Variants in SEMA3E observed in about 807,000 individuals in gnomAD.
The protein encoded by SEMA3E is semaphorin 3E, also known as semaphorin-3E.
SEMA3E carries 49 observed loss-of-function variants against 93.6 expected under a neutral mutation model. That is an observed-to-expected ratio of 0.52 (90% CI 0.42 to 0.66). The LOEUF (loss-of-function observed/expected upper bound fraction) is 0.66, where lower values mean the gene tolerates loss of function less well. Among genes scored for constraint, SEMA3E ranks in the 30% least tolerant of loss-of-function variants. The pLI is 0.00. For synonymous variants in SEMA3E, 363 were observed against 330.7 expected, an observed-to-expected ratio of 1.10 and a Z score of -1.06; for missense variants, 906 against 964.8, an observed-to-expected ratio of 0.94 and a Z score of 0.81.
At chr7:83,602,045 T>A (rs2115985297) in intron 1 of SEMA3E, among the ~76,000 whole-genome samples, 1 of 152,326 alleles carries the variant, frequency 6.6e-6, no homozygotes, top group Non-Finnish European at 1.5e-5. Flanking sequence ...CTCTCATTAC[T>A]ACTAGTACTA....
Position 83,420,982 on chromosome 7 carries a change from T to C in SEMA3E, c.457-2499A>G, listed in dbSNP as rs1414717046. 2.8e-5 allele frequency among the ~76,000 whole-genome samples: 4 copies of C among 142,164 alleles called. 1 individual carries two copies. Among genetic ancestry groups the C allele is most frequent in the South Asian group, 2.3e-4 (1 of 4,332 alleles). 93.3% of individuals were successfully genotyped at this position (142,164 alleles called of 152,430 possible). A position where few individuals can be genotyped will look rare whatever the true frequency, so the allele number is the denominator to read the frequency against. On this transcript the variant is annotated intron_variant, in intron 4 of 16. Transcript: ENST00000643230. ...ACAAAAACTGACAAGTGGGACCTAA[T>C]TAAAGAGCTTCTGCACAGCAGGAAC...
At chr7:83,393,670 TATA>T (rs1788064455) in intron 13 of SEMA3E, among the ~76,000 whole-genome samples, 1 of 152,198 alleles carries the variant, frequency 6.6e-6, no homozygotes, top group African/African-American at 2.4e-5. Flanking sequence ...GAACATTTAA[TATA>T]ATATCTTTCC....
chr7:83,509,076 A>G (rs1790761091), intron 1 of SEMA3E, among the ~76,000 whole-genome samples: 1 of 152,192 alleles, frequency 6.6e-6, no homozygotes, highest in South Asian at 2.1e-4. Flanking sequence ...TCGTGTCATT[A>G]AAGTTTTACA....
intron 1 of SEMA3E, among the ~76,000 whole-genome samples, chr7:83,514,890 A>G (rs1264044782): frequency 1.3e-5 from 2 of 152,152 alleles, no homozygotes; most frequent in Admixed American, 1.3e-4. Context: ...TACTTTGGAT[A>G]ATAATTTGAT....
chr7:83,400,341 G>T, intron 10 of SEMA3E, 91 bp from the exon 11 acceptor site: 1 of 1,185,640 alleles, frequency 8.4e-7, no homozygotes. Context: ...AAAAATTGAA[G>T]TTGTCAAATT....
At chr7:83,391,092 T>C (rs1380518052) in intron 14 of SEMA3E, among the ~76,000 whole-genome samples, 5 of 152,168 alleles carry the variant, frequency 3.3e-5, no homozygotes, top group African/African-American at 9.6e-5. Context: ...TATTCTTCTA[T>C]TTCACTCCTG....
intron 3 of SEMA3E, among the ~76,000 whole-genome samples, chr7:83,466,881 C>T (rs963170679): frequency 1.3e-5 from 2 of 152,052 alleles, no homozygotes; most frequent in African/African-American, 4.8e-5. Context: ...ATAAAAAAAG[C>T]ACTATTCAGA....
intron 1 of SEMA3E, among the ~76,000 whole-genome samples, chr7:83,595,894 A>T (rs1480123588): frequency 1.3e-5 from 2 of 152,024 alleles, no homozygotes; most frequent in Admixed American, 1.3e-4. Context: ...TTTAGGGAGA[A>T]ATAATTTATG....
At chr7:83,404,246 T>C (rs908430687) in intron 9 of SEMA3E, among the ~76,000 whole-genome samples, 1 of 151,990 alleles carries the variant, frequency 6.6e-6, no homozygotes, top group Non-Finnish European at 1.5e-5. Context: ...TGTTTCTCTG[T>C]TGAAGAAAAG....
Position 83,418,447 on chromosome 7 carries a change from T to C in SEMA3E, c.493A>G (p.Arg165Gly), listed in dbSNP as rs1788601812. 1.2e-6 allele frequency: 2 copies of C among 1,611,874 alleles called. No individual in the cohort carries two copies. The highest frequency in any genetic ancestry group is 1.7e-6 in the Non-Finnish European group (2 of 1,178,936). Residue 165 changes from arginine (R) to glycine (G), a missense_variant, in exon 5 of 17, where the codon AGA becomes GGA. By Grantham distance (125) the Arg-to-Gly change is moderately radical (BLOSUM62 -2). Transcript: ENST00000643230. ...LFHLESPRSE[R>G]GRGRCPFDPS... The stretch of plus-strand genomic sequence containing the variant: ...TCAAAAGGACATCTGCCCCTTCCTC[T>C]CTCAGATCTGGGTGATTCCAGGTGA...
chr7:83,380,822 T>C (rs1311380149), intron 16 of SEMA3E, among the ~76,000 whole-genome samples: 1 of 151,940 alleles, frequency 6.6e-6, no homozygotes, highest in African/African-American at 2.4e-5. Flanking sequence ...AAAACACCAA[T>C]TGCAGACAGT....
At chr7:83,467,640 A>T (rs1207385350) in intron 3 of SEMA3E, among the ~76,000 whole-genome samples, 2 of 152,192 alleles carry the variant, frequency 1.3e-5, no homozygotes. Flanking sequence ...AAGGAGCCAT[A>T]AACAATACAA....
At chr7:83,534,224 CTA>C (rs1791363166) in intron 1 of SEMA3E, among the ~76,000 whole-genome samples, 1 of 152,122 alleles carries the variant, frequency 6.6e-6, no homozygotes, top group African/African-American at 2.4e-5. Context: ...CTGATTTATT[CTA>C]TCTCATTTTT....
chr7:83,639,935 G>T (rs1391064), intron 1 of SEMA3E, among the ~76,000 whole-genome samples: 35,542 of 151,722 alleles, frequency 0.23, 5,990 homozygotes, highest in African/African-American at 0.48. Flanking sequence ...AGGACCTGAA[G>T]TTCATAATAA....
chr7:83,500,590 C>CTTTTTTTTTTTTT (rs371350850), intron 1 of SEMA3E, among the ~76,000 whole-genome samples: 2 of 100,616 alleles, frequency 2.0e-5, no homozygotes, highest in Non-Finnish European at 3.7e-5. Flanking sequence ...AACTTTCTTC[C>CTTTTTTTTTTTTT]TTTTTTTTTT....
At chr7:83,549,633 A>G (rs1369441225) in intron 1 of SEMA3E, among the ~76,000 whole-genome samples, 1 of 152,096 alleles carries the variant, frequency 6.6e-6, no homozygotes. Context: ...CTATATCCAT[A>G]GGACATTTTC....
At chr7:83,537,104 G>A (rs1389004444) in intron 1 of SEMA3E, among the ~76,000 whole-genome samples, 2 of 151,244 alleles carry the variant, frequency 1.3e-5, no homozygotes, top group African/African-American at 4.9e-5. Context: ...TTCCCTATGA[G>A]GATACAGTAA....
Position 83,474,390 on chromosome 7 carries a change from G to C in SEMA3E, c.277-5088C>G, listed in dbSNP as rs148125161. Among the ~76,000 whole-genome samples the C allele has an allele frequency of 2.7e-3, 417 of 152,214 alleles. 2 individuals carry two copies. Among genetic ancestry groups the C allele is most frequent in the African/African-American group, 9.3e-3 (387 of 41,540 alleles). ...AGGTATAAAATATTACTTCGATGTT[G>C]TTATTCATTGGTGCAATGAGCCCCA... On this transcript the variant is annotated intron_variant, in intron 2 of 16. Coordinates refer to ENST00000643230, the MANE Select transcript of SEMA3E (RefSeq NM_012431.3).
intron 1 of SEMA3E, among the ~76,000 whole-genome samples, chr7:83,603,690 G>A (rs1031889133): frequency 6.6e-6 from 1 of 152,066 alleles, no homozygotes; most frequent in East Asian, 1.9e-4. Flanking sequence ...AAAGAAGAAA[G>A]ACCAAAAGCT....
Sources: allele counts gnomAD v4.1 joint callset (sites outside exome capture counted in the v4.1 genomes callset), GRCh38; gene constraint gnomAD v4.1.1; transcripts MANE v1.5; gene names NCBI Gene and HGNC (gene_info 2026-07-23, HGNC 2026-07-21).